DDAH1: variants seen among roughly 807,000 people sequenced by gnomAD.
DDAH1 encodes N(G),N(G)-dimethylarginine dimethylaminohydrolase 1.
DDAH1 carries 19 observed loss-of-function variants against 28.8 expected under a neutral mutation model. The observed-to-expected ratio is 0.66, with a 90% CI of 0.46 to 0.97. DDAH1 has a LOEUF of 0.97. Among genes scored for constraint, DDAH1 ranks in the 50% least tolerant of loss-of-function variants. The pLI is 0.00. For synonymous variants in DDAH1, 153 were observed against 154.4 expected (o/e 0.99, Z 0.07); for missense variants, 326 against 375.9 (o/e 0.87, Z 1.10).
At chr1:85,342,622 AGTTTCTAG>A (rs1366634840) in intron 4 of DDAH1, among the ~76,000 whole-genome samples, 1 of 152,174 alleles carries the variant, frequency 6.6e-6, no homozygotes, top group Non-Finnish European at 1.5e-5. Context: ...AAACCTAAGA[AGTTTCTAG>A]TTTTCTATGG....
chr1:85,455,412 GA>G (rs1196363267), intron 1 of DDAH1, among the ~76,000 whole-genome samples: 4 of 152,122 alleles, frequency 2.6e-5, no homozygotes, highest in Admixed American at 6.5e-5. Flanking sequence ...CTAATTATAG[GA>G]AGGCTACTTT....
chr1:85,455,598 G>A (rs879831873), intron 1 of DDAH1, among the ~76,000 whole-genome samples: 5 of 152,156 alleles, frequency 3.3e-5, no homozygotes, highest in Non-Finnish European at 5.9e-5. Context: ...TCAAGACTTA[G>A]TTATAACAGA....
chr1:85,536,319 T>C (rs4623752), intron 1 of DDAH1, among the ~76,000 whole-genome samples: 12,863 of 150,792 alleles, frequency 0.085, 747 homozygotes, highest in African/African-American at 0.17. Context: ...CTTTGGGAGG[T>C]GGAGGTGGGT....
Position 85,351,593 on chromosome 1 carries a change from C to T in DDAH1, c.404-14G>A. The T allele has an allele frequency of 1.9e-6, 3 of 1,608,644 alleles. No homozygotes were observed. Among genetic ancestry groups the T allele is most frequent in the Non-Finnish European group, 1.7e-6 (2 of 1,175,082 alleles). On this transcript the variant is annotated splice_polypyrimidine_tract_variant and intron_variant, in intron 2 of 5. Coordinates refer to ENST00000284031, the MANE Select transcript of DDAH1 (RefSeq NM_012137.4). ...AAAATTCTCTGCCTGTAATAGATGT[C>T]ATGGAACATAGTGAGCAGGTGGCAC... is the stretch of plus-strand genomic sequence containing the variant.
chr1:85,431,492 ATCC>A (rs35145687), intron 1 of DDAH1, among the ~76,000 whole-genome samples: 23,719 of 151,838 alleles, frequency 0.16, 2,233 homozygotes, highest in Admixed American at 0.22. Context: ...TTAAGCTAGA[ATCC>A]TCCTCCTTTG....
chr1:85,339,431 A>T (rs1260079319), intron 4 of DDAH1, among the ~76,000 whole-genome samples: 1 of 152,240 alleles, frequency 6.6e-6, no homozygotes, highest in Non-Finnish European at 1.5e-5. Flanking sequence ...ACCCAACAGC[A>T]GCAACAGAAC....
intron 1 of DDAH1, among the ~76,000 whole-genome samples, chr1:85,546,148 G>A (rs1658619805): frequency 1.4e-5 from 2 of 146,404 alleles, no homozygotes; most frequent in Non-Finnish European, 3.0e-5. Flanking sequence ...AAAAAAACAT[G>A]CGTTGGAAAC....
At chr1:85,564,462 A>G (rs1659235171) in intron 1 of DDAH1, among the ~76,000 whole-genome samples, 1 of 152,186 alleles carries the variant, frequency 6.6e-6, no homozygotes, top group Non-Finnish European at 1.5e-5. Flanking sequence ...AAAAAATAAT[A>G]GCTGAAATTT....
In DDAH1 at chr1:85,575,233, A is replaced by AAAAAC. The variant is rs527513039; in HGVS notation, c.-123+2746_-123+2750dup. ...GTGACAGAACCAGACCATGTTACAA[A>AAAAAC]AAAACAAAACAAAACAAAACAAAAC... is the stretch of plus-strand genomic sequence containing the variant. On this transcript the variant is annotated intron_variant, in intron 1 of 6. Coordinates refer to the DDAH1 transcript ENST00000426972. Among the ~76,000 whole-genome samples, 348 of 152,248 alleles carry AAAAAC rather than the reference A, an allele frequency of 2.3e-3. 3 individuals are homozygous for AAAAAC. The South Asian group carries it at 0.024, about 10-fold the overall frequency.
At chr1:85,554,294 T>TTTTG (rs1658896985) in intron 1 of DDAH1, among the ~76,000 whole-genome samples, 2 of 150,830 alleles carry the variant, frequency 1.3e-5, no homozygotes, top group African/African-American at 4.9e-5. Flanking sequence ...TTTTTTTTTT[T>TTTTG]TTTTAATCTC....
chr1:85,352,466 TGTC>T (rs1296275986), intron 2 of DDAH1, among the ~76,000 whole-genome samples: 1 of 152,144 alleles, frequency 6.6e-6, no homozygotes, highest in Non-Finnish European at 1.5e-5. Context: ...CAATAAATGA[TGTC>T]GTAGGAAAGT....
chr1:85,358,989 A>C (rs1649640367), intron 1 of DDAH1, 142 bp from the exon 2 acceptor site: 1 of 558,130 alleles, frequency 1.8e-6, no homozygotes, highest in African/African-American at 1.9e-5. Context: ...ATCCTTGTGA[A>C]TATATAATGT....
intron 1 of DDAH1, among the ~76,000 whole-genome samples, chr1:85,566,053 C>T (rs968243556): frequency 6.7e-6 from 1 of 150,072 alleles, no homozygotes; most frequent in Non-Finnish European, 1.5e-5. Context: ...TGCACTCCAG[C>T]CTGGGCAACA....
At chr1:85,572,550 G>A (rs1318789927) in intron 1 of DDAH1, among the ~76,000 whole-genome samples, 2 of 152,164 alleles carry the variant, frequency 1.3e-5, no homozygotes, top group Non-Finnish European at 2.9e-5. Context: ...ATCCTACAGA[G>A]TTGTTTATAA....
At position 85,489,057 on chromosome 1, in the gene DDAH1, A is replaced by G. The variant is rs1408089226; in HGVS notation, c.-7+7109T>C. 2.0e-5 allele frequency among the ~76,000 whole-genome samples: 3 copies of G among 152,340 alleles called. No individual in the cohort carries two copies. In the East Asian group the frequency reaches 5.8e-4, roughly 29 times the overall value. ...AACTTGCACCCAGCTGTTACTTACC[A>G]GGCATGTTATACAGGCCATTCTAGC... On this transcript the variant is annotated intron_variant, in intron 2 of 6. Transcript: ENST00000426972.
chr1:85,542,070 G>A (rs529016222), intron 1 of DDAH1, among the ~76,000 whole-genome samples: 128 of 152,290 alleles, frequency 8.4e-4, no homozygotes, highest in Non-Finnish European at 1.7e-3. Context: ...TGTAAACTTT[G>A]CAAATGAATA....
chr1:85,508,130 A>C (rs938127431), intron 1 of DDAH1, among the ~76,000 whole-genome samples: 1 of 152,214 alleles, frequency 6.6e-6, no homozygotes, highest in Admixed American at 6.5e-5. Context: ...ACATTTAGGA[A>C]GTGACATGTT....
chr1:85,455,204 G>C (rs1293283367), intron 1 of DDAH1, among the ~76,000 whole-genome samples: 1 of 152,064 alleles, frequency 6.6e-6, no homozygotes. Flanking sequence ...CCAAACTGTA[G>C]TAATAATAAT....
intron 1 of DDAH1, among the ~76,000 whole-genome samples, chr1:85,527,306 C>T (rs2773106): frequency 1.3e-4 from 20 of 151,298 alleles, no homozygotes; most frequent in African/African-American, 4.4e-4. Flanking sequence ...TGTCTGCCAG[C>T]GAAAGGCTTG....
Sources: allele counts gnomAD v4.1 joint callset (sites outside exome capture counted in the v4.1 genomes callset), GRCh38; gene constraint gnomAD v4.1.1; transcripts MANE v1.5; gene names NCBI Gene and HGNC (gene_info 2026-07-23, HGNC 2026-07-21).